Variants in IL2RB observed in about 807,000 individuals in gnomAD.
The protein encoded by IL2RB is interleukin-2 receptor subunit beta.
Under a neutral mutation model 44.2 loss-of-function variants are expected in IL2RB, and 17 were observed. That is an observed-to-expected ratio of 0.38 (90% CI 0.26 to 0.58). The LOEUF (loss-of-function observed/expected upper bound fraction) is 0.58. Among genes scored for constraint, IL2RB ranks in the 20% least tolerant of loss-of-function variants. The pLI, the probability that IL2RB is intolerant of heterozygous loss-of-function variation, is 0.63. For synonymous variants in IL2RB, 286 were observed against 297.9 expected (o/e 0.96, Z 0.41); for missense variants, 624 against 685.5 (o/e 0.91, Z 1.00).
chr22:37,132,401 G>A lies in IL2RB; in HGVS notation c.886C>T (p.His296Tyr), dbSNP rs1216527074. ...CCTCCTACCTGGACGTCTCCTCCAT[G>A]CTCTGAGCTCAGCTGGGAAAAGAAC... ...SKFFSQLSSE[H>Y]GGDVQKWLSS... The change falls in exon 9 of 10, where the codon CAT becomes TAT. Residue 296 changes from histidine to tyrosine, a missense_variant. Physicochemically the swap from His to Tyr is moderately conservative, Grantham distance 83. Transcript: ENST00000216223. 3.7e-6 allele frequency: 6 copies of A among 1,613,880 alleles called. No homozygotes were observed. Among genetic ancestry groups the A allele is most frequent in the East Asian group, 2.2e-5 (1 of 44,898 alleles).
At chr22:37,134,729 C>T (rs1055256734) in intron 8 of IL2RB, among the ~76,000 whole-genome samples, 4 of 152,182 alleles carry the variant, frequency 2.6e-5, no homozygotes, top group African/African-American at 7.2e-5. Context: ...AATGGCAATA[C>T]GTCGACATCC....
At chr22:37,169,984 G>A (rs1211650000) in intron 1 of IL2RB, among the ~76,000 whole-genome samples, 2 of 152,076 alleles carry the variant, frequency 1.3e-5, no homozygotes, top group East Asian at 3.8e-4. Flanking sequence ...ATGGACTGAT[G>A]GATGAACAGA....
At chr22:37,160,028 A>T (rs1459180602) in intron 1 of IL2RB, among the ~76,000 whole-genome samples, 2 of 152,266 alleles carry the variant, frequency 1.3e-5, no homozygotes, top group Admixed American at 1.3e-4. Flanking sequence ...TGCATTGTAA[A>T]GACCTCCTTG....
At chr22:37,138,862 G>A (rs1359367923) in intron 5 of IL2RB, among the ~76,000 whole-genome samples, 2 of 152,220 alleles carry the variant, frequency 1.3e-5, no homozygotes, top group African/African-American at 4.8e-5. Flanking sequence ...TGGAGAGTTG[G>A]CCTTTGGCTG....
upstream of IL2RB, chr22:37,175,097 T>C (rs1024879018): frequency 1.2e-4 from 19 of 152,180 alleles, no homozygotes; most frequent in African/African-American, 4.6e-4. Flanking sequence ...CCATCAAAAC[T>C]CGTGAGAACT....
At chr22:37,133,900 C>T (rs1404203287) in intron 8 of IL2RB, among the ~76,000 whole-genome samples, 1 of 152,158 alleles carries the variant, frequency 6.6e-6, no homozygotes, top group African/African-American at 2.4e-5. Flanking sequence ...CTGCCCAGGG[C>T]CTTTGCACAT....
chr22:37,142,646 A>G (rs1922025068), intron 3 of IL2RB, 134 bp from the exon 4 acceptor site: 1 of 807,922 alleles, frequency 1.2e-6, no homozygotes, highest in Admixed American at 2.0e-5. Context: ...TGTGCCAACC[A>G]CTGTGAGGGG....
At position 37,132,365 on chromosome 22, in the gene IL2RB, C is replaced by A; in HGVS notation, c.903+19G>T. The A allele has an allele frequency of 1.2e-6, 2 of 1,607,708 alleles. No individual in the cohort carries two copies. Among genetic ancestry groups the A allele is most frequent in the Non-Finnish European group, 1.7e-6 (2 of 1,174,978 alleles). On this transcript the variant is annotated intron_variant, in intron 9 of 9. Transcript: ENST00000216223. Reference sequence around the variant, plus strand: ...CTCACACCCCTGCCCACCTCTGTCTCCCCGCCCCGGCCTCCTACCTGGACG... The same window carrying A: ...CTCACACCCCTGCCCACCTCTGTCTACCCGCCCCGGCCTCCTACCTGGACG...
At chr22:37,142,675 CT>C (rs1922026644) in intron 3 of IL2RB, 163 bp from the exon 4 acceptor site, 1 of 731,020 alleles carries the variant, frequency 1.4e-6, no homozygotes, top group African/African-American at 1.7e-5. Flanking sequence ...CCCCCACTGG[CT>C]CCATGGCATT....
Position 37,168,051 on chromosome 22 carries a change from G to C in IL2RB, c.-34+6907C>G, listed in dbSNP as rs145768559. Among the ~76,000 whole-genome samples the C allele has an allele frequency of 5.3e-5, 8 of 152,322 alleles. No individual in the cohort carries two copies. In the East Asian group the frequency reaches 1.5e-3, roughly 29 times the overall value. The stretch of plus-strand genomic sequence containing the variant: ...TGTGTGGGATTTGAACTCTAACTCA[G>C]AGTACCTTCTCTTGGTATGGAGGTA... On this transcript the variant is annotated intron_variant, in intron 1 of 5. Coordinates refer to the IL2RB transcript ENST00000429622.
chr22:37,139,440 A>G (rs1921861052), intron 4 of IL2RB, among the ~76,000 whole-genome samples: 2 of 152,212 alleles, frequency 1.3e-5, no homozygotes, highest in Non-Finnish European at 2.9e-5. Context: ...CCGCCACTGT[A>G]GTATGAAGCA....
upstream of IL2RB, among the ~76,000 whole-genome samples, chr22:37,151,237 A>G (rs1233555304): frequency 6.6e-6 from 1 of 152,168 alleles, no homozygotes; most frequent in Non-Finnish European, 1.5e-5. Context: ...ACCAGCATTC[A>G]TTATTGCCTG....
At position 37,127,481 on chromosome 22, in the gene IL2RB, G is replaced by A. The variant is rs1350725420; in HGVS notation, c.*615C>T. ...CCCAGGGAATAGCATGTGCAACAGAGGGGGTGTGAGGGAGCTCTGAGTGGC... is the reference window on the plus strand; with the variant it reads ...CCCAGGGAATAGCATGTGCAACAGAAGGGGTGTGAGGGAGCTCTGAGTGGC... On this transcript the variant is annotated 3_prime_UTR_variant, in exon 10 of 10. Transcript: ENST00000216223. The A allele has an allele frequency of 6.6e-6, 1 of 152,222 alleles. No individual in the cohort carries two copies. Among genetic ancestry groups the A allele is most frequent in the Non-Finnish European group, 1.5e-5 (1 of 68,052 alleles). 9.4% of individuals were successfully genotyped at this position (152,222 alleles called of 1,614,324 possible). A position where few individuals can be genotyped will look rare whatever the true frequency, so the allele number is the denominator to read the frequency against.
intron 1 of IL2RB, among the ~76,000 whole-genome samples, chr22:37,147,828 T>G (rs1328310613): frequency 6.6e-6 from 1 of 152,238 alleles, no homozygotes; most frequent in East Asian, 1.9e-4. Flanking sequence ...GCTCACCTCT[T>G]TCTTGGGATC....
chr22:37,161,433 C>T (rs1372761979), intron 1 of IL2RB, among the ~76,000 whole-genome samples: 1 of 152,174 alleles, frequency 6.6e-6, no homozygotes, highest in Non-Finnish European at 1.5e-5. Context: ...CTACCCTAAC[C>T]AGTAAGCTGA....
chr22:37,136,012 C>T (rs894354464), intron 7 of IL2RB, among the ~76,000 whole-genome samples: 18 of 152,088 alleles, frequency 1.2e-4, no homozygotes, highest in South Asian at 4.1e-4. Flanking sequence ...AACAGCCTTT[C>T]GACCCCTCCC....
chr22:37,146,524 A>G (rs1922234156), intron 1 of IL2RB, among the ~76,000 whole-genome samples: 1 of 152,146 alleles, frequency 6.6e-6, no homozygotes, highest in Non-Finnish European at 1.5e-5. Context: ...TCCCAAGTCT[A>G]TCCTTTCCCT....
upstream of IL2RB, among the ~76,000 whole-genome samples, chr22:37,153,898 C>T (rs1021736353): frequency 2.6e-5 from 4 of 152,330 alleles, no homozygotes; most frequent in African/African-American, 9.6e-5. Context: ...GGAGCAGCTG[C>T]GTACAGCTAT....
intron 1 of IL2RB, among the ~76,000 whole-genome samples, chr22:37,146,479 G>A (rs1017937326): frequency 6.6e-6 from 1 of 152,174 alleles, no homozygotes; most frequent in Non-Finnish European, 1.5e-5. Context: ...GGCTCCAGGT[G>A]ACCAGGAAAC....
Sources: gnomAD v4.1 joint callset for allele counts (sites outside exome capture counted in the v4.1 genomes callset) on GRCh38, gnomAD v4.1.1 for gene constraint, MANE v1.5 for transcripts, NCBI Gene and HGNC (gene_info 2026-07-23, HGNC 2026-07-21) for gene names.